Variants in ASCC1 observed in about 807,000 individuals in gnomAD.
The protein encoded by ASCC1 is activating signal cointegrator 1 complex subunit 1, also known as ASC-1 complex subunit P50.
ASCC1 carries 35 observed loss-of-function variants against 46.6 expected under a neutral mutation model. The observed-to-expected ratio is 0.75, with a 90% CI of 0.57 to 0.99. The LOEUF is 0.99. ASCC1 is among the 50% of genes least tolerant of loss of function. The pLI is 0.00. For missense variants in ASCC1, 376 were observed against 428.7 expected, an observed-to-expected ratio of 0.88 and a Z score of 1.09; for synonymous variants, 143 against 146.6, an observed-to-expected ratio of 0.98 and a Z score of 0.18.
intron 5 of ASCC1, chr10:72,190,368 A>G (rs2133169761): frequency 6.7e-7 from 1 of 1,490,892 alleles, no homozygotes; most frequent in East Asian, 2.3e-5. Context: ...ATCCTCATTG[A>G]TCCAGTCCAT....
intron 5 of ASCC1, among the ~76,000 whole-genome samples, chr10:72,179,418 G>C (rs1852276296): frequency 6.6e-6 from 1 of 152,216 alleles, no homozygotes; most frequent in Non-Finnish European, 1.5e-5. Context: ...CAGTTGGTCA[G>C]TTGATTAGCA....
chr10:72,151,847 C>T (rs1290348669), intron 7 of ASCC1, among the ~76,000 whole-genome samples: 1 of 151,850 alleles, frequency 6.6e-6, no homozygotes, highest in African/African-American at 2.4e-5. Context: ...TGCCACCACA[C>T]CGGCTAATTT....
intron 5 of ASCC1, among the ~76,000 whole-genome samples, chr10:72,181,267 T>C (rs1186151570): frequency 1.3e-5 from 2 of 151,948 alleles, no homozygotes; most frequent in East Asian, 3.9e-4. Flanking sequence ...CCCGGCCTAT[T>C]TGCCTCTCAT....
intron 5 of ASCC1, among the ~76,000 whole-genome samples, chr10:72,176,972 T>C (rs1397445603): frequency 1.3e-5 from 2 of 151,874 alleles, no homozygotes; most frequent in Non-Finnish European, 2.9e-5. Context: ...ACTGCACTTA[T>C]CTAGTAGCAC....
At chr10:72,203,577 G>C in intron 3 of ASCC1, 53 bp from the exon 4 acceptor site, 1 of 1,275,154 alleles carries the variant, frequency 7.8e-7, no homozygotes. Flanking sequence ...CCAAAATAAA[G>C]AACCTCATTA....
At chr10:72,185,202 T>C (rs1036178217) in intron 5 of ASCC1, among the ~76,000 whole-genome samples, 12 of 152,310 alleles carry the variant, frequency 7.9e-5, no homozygotes, top group Middle Eastern at 3.4e-3. Context: ...ACAACCACCT[T>C]GGGAAAAGAT....
chr10:72,118,777 CT>C (rs1170773951), intron 9 of ASCC1, among the ~76,000 whole-genome samples: 5 of 149,086 alleles, frequency 3.4e-5, no homozygotes, highest in Non-Finnish European at 7.4e-5. Context: ...GAAACTCCGT[CT>C]CAAAAAAAAA....
chr10:72,191,383 T>C (rs1223102830), intron 5 of ASCC1, among the ~76,000 whole-genome samples: 1 of 151,790 alleles, frequency 6.6e-6, no homozygotes, highest in African/African-American at 2.4e-5. Context: ...TTGTTTCTAA[T>C]AAGATAAACA....
At chr10:72,151,695 ATT>A (rs59725846) in intron 7 of ASCC1, among the ~76,000 whole-genome samples, 1 of 147,040 alleles carries the variant, frequency 6.8e-6, no homozygotes, top group African/African-American at 2.5e-5. Flanking sequence ...ATCTTTTTAA[ATT>A]TTTTTTTTTT....
At chr10:72,113,399 G>A (rs957831049) in intron 9 of ASCC1, among the ~76,000 whole-genome samples, 2 of 152,182 alleles carry the variant, frequency 1.3e-5, no homozygotes, top group African/African-American at 4.8e-5. Flanking sequence ...GACCAGGGAA[G>A]GTGCATCTTC....
Position 72,121,212 on chromosome 10 carries a change from T to C in ASCC1, c.957+6870A>G, listed in dbSNP as rs1844158033. On this transcript the variant is annotated intron_variant, in intron 9 of 9. Coordinates refer to ENST00000672957, the MANE Select transcript of ASCC1 (RefSeq NM_001198800.3). ...AGGCTGGAGTGCAATGGTGCAATCA[T>C]AGCTCACTGTAGCCTCAACCTCCCA... 1.3e-5 allele frequency among the ~76,000 whole-genome samples: 2 copies of C among 152,174 alleles called. 1 individual carries two copies. Among genetic ancestry groups the C allele is most frequent in the African/African-American group, 4.8e-5 (2 of 41,446 alleles).
intron 5 of ASCC1, among the ~76,000 whole-genome samples, chr10:72,193,837 T>C (rs1854932272): frequency 1.4e-5 from 2 of 148,066 alleles, no homozygotes; most frequent in Admixed American, 6.6e-5. Flanking sequence ...TATGAAATAA[T>C]ACTGATTTTT....
intron 5 of ASCC1, among the ~76,000 whole-genome samples, chr10:72,162,172 ATTAT>A (rs765445994): frequency 2.6e-5 from 4 of 151,970 alleles, no homozygotes; most frequent in Non-Finnish European, 5.9e-5. Flanking sequence ...TTATTTTTTA[ATTAT>A]TTATTTATTT....
At chr10:72,118,428 A>T (rs772507800) in intron 9 of ASCC1, among the ~76,000 whole-genome samples, 23 of 152,070 alleles carry the variant, frequency 1.5e-4, no homozygotes, top group Non-Finnish European at 3.1e-4. Context: ...CTGAATATTG[A>T]ATCGAATAAT....
intron 7 of ASCC1, among the ~76,000 whole-genome samples, chr10:72,149,355 G>A (rs995282191): frequency 1.3e-5 from 2 of 148,886 alleles, no homozygotes; most frequent in East Asian, 2.0e-4. Flanking sequence ...GGAGAATGGC[G>A]TGAACCCGGG....
intron 9 of ASCC1, among the ~76,000 whole-genome samples, chr10:72,114,440 A>G (rs150715277): frequency 0.044 from 6,703 of 152,216 alleles, 432 homozygotes; most frequent in African/African-American, 0.14. Context: ...CCTGGCTAAC[A>G]TGGTGAAACC....
chr10:72,149,437 C>CAAAAAAAAA (rs11297879), intron 7 of ASCC1, among the ~76,000 whole-genome samples: 1 of 52,702 alleles, frequency 1.9e-5, no homozygotes, highest in African/African-American at 6.3e-5. Context: ...GACTCCGTCA[C>CAAAAAAAAA]AAAAAAAAAA....
At chr10:72,113,581 GA>G (rs1386002061) in intron 9 of ASCC1, among the ~76,000 whole-genome samples, 2 of 152,088 alleles carry the variant, frequency 1.3e-5, no homozygotes, top group African/African-American at 2.4e-5. Context: ...AAATTCCAAG[GA>G]AAAAATTTGG....
intron 6 of ASCC1, among the ~76,000 whole-genome samples, chr10:72,154,450 A>G (rs1564658790): frequency 6.6e-6 from 1 of 152,126 alleles, no homozygotes; most frequent in South Asian, 2.1e-4. Context: ...GCATGATGCA[A>G]TAAGAATATA....
Sources: gnomAD v4.1 joint callset for allele counts (sites outside exome capture counted in the v4.1 genomes callset) on GRCh38, gnomAD v4.1.1 for gene constraint, MANE v1.5 for transcripts, NCBI Gene and HGNC (gene_info 2026-07-23, HGNC 2026-07-21) for gene names.